The following FER variants were observed in gnomAD, a reference collection of about 807,000 sequenced individuals.
FER encodes the protein FER tyrosine kinase, also known as tyrosine-protein kinase Fer.
A neutral mutation model predicts 111.0 loss-of-function variants in FER; 63 were observed. That is an observed-to-expected ratio of 0.57 (90% CI 0.46 to 0.70). FER has a LOEUF of 0.70. Ranked by LOEUF, FER falls within the 30% of genes least tolerant of loss-of-function variation. The pLI is 0.00. For synonymous variants in FER, 327 were observed against 313.9 expected, an observed-to-expected ratio of 1.04 and a Z score of -0.44; for missense variants, 914 against 954.0, an observed-to-expected ratio of 0.96 and a Z score of 0.55.
At chr5:108,901,552 A>G (rs969162482) in intron 10 of FER, among the ~76,000 whole-genome samples, 1 of 152,204 alleles carries the variant, frequency 6.6e-6, no homozygotes, top group Non-Finnish European at 1.5e-5. Context: ...AAAGTGAAGC[A>G]TCTTCAATGG....
chr5:108,917,821 T>A (rs1415791731), intron 10 of FER, among the ~76,000 whole-genome samples: 3 of 152,232 alleles, frequency 2.0e-5, no homozygotes, highest in Non-Finnish European at 4.4e-5. Flanking sequence ...TCACCAACTC[T>A]TGGTAATCAG....
intron 5 of FER, among the ~76,000 whole-genome samples, chr5:108,840,361 A>G (rs957671263): frequency 7.9e-5 from 12 of 152,156 alleles, no homozygotes; most frequent in Non-Finnish European, 1.5e-5. Flanking sequence ...AACCACAATT[A>G]CTTTTGCACC....
chr5:109,138,192 A>T (rs1486796810), intron 17 of FER, among the ~76,000 whole-genome samples: 1 of 152,298 alleles, frequency 6.6e-6, no homozygotes, highest in East Asian at 1.9e-4. Flanking sequence ...AAAAAGGAAA[A>T]TGTTTCTTCA....
chr5:108,759,724 A>G (rs1411042981), intron 1 of FER, among the ~76,000 whole-genome samples: 1 of 152,234 alleles, frequency 6.6e-6, no homozygotes, highest in East Asian at 1.9e-4. Flanking sequence ...AGAAGAGAAG[A>G]GAACACATTC....
intron 17 of FER, among the ~76,000 whole-genome samples, chr5:109,103,580 C>G (rs1748520459): frequency 6.6e-6 from 1 of 152,254 alleles, no homozygotes; most frequent in African/African-American, 2.4e-5. Context: ...TTTCTGTTTA[C>G]AGCTTGAGGA....
chr5:109,022,238 C>G (rs1177757000), intron 13 of FER, among the ~76,000 whole-genome samples: 2 of 151,132 alleles, frequency 1.3e-5, no homozygotes, highest in African/African-American at 4.8e-5. Flanking sequence ...TCTATTGTCT[C>G]AAGGGAAGTC....
chr5:108,803,372 T>C (rs2161564), intron 3 of FER, among the ~76,000 whole-genome samples: 1 of 152,156 alleles, frequency 6.6e-6, no homozygotes, highest in Admixed American at 6.5e-5. Context: ...TTTGTTGCAA[T>C]TGCTTTTGAG....
At position 108,927,252 on chromosome 5, in the gene FER, C is replaced by CTTTTTTTTTTTT. The variant is rs766702172; in HGVS notation, c.1237-18870_1237-18859dup. Among the ~76,000 whole-genome samples the CTTTTTTTTTTTT allele has an allele frequency of 1.8e-3, 168 of 95,224 alleles. 33 individuals carry two copies. The highest frequency in any genetic ancestry group is 8.2e-3 in the African/African-American group (142 of 17,256). The allele number at this position is 95,224 out of a possible 152,430, so 62.5% of individuals were successfully genotyped here. A position where few individuals can be genotyped will look rare whatever the true frequency, so the allele number is the denominator to read the frequency against. ...TGTAATTCAGCATTGAGAAGTGGCT[C>CTTTTTTTTTTTT]TTTTTTTTTTTTTTTTTTTGAGACG... On this transcript the variant is annotated intron_variant, in intron 10 of 19. Coordinates refer to ENST00000281092, the MANE Select transcript of FER (RefSeq NM_005246.4).
At chr5:108,761,752 T>C (rs1165101027) in intron 1 of FER, among the ~76,000 whole-genome samples, 2 of 152,162 alleles carry the variant, frequency 1.3e-5, no homozygotes, top group Non-Finnish European at 2.9e-5. Flanking sequence ...ACTTGTCTGA[T>C]TTATGAGAAC....
chr5:108,857,594 T>C (rs1237434982), intron 5 of FER, among the ~76,000 whole-genome samples: 1 of 152,186 alleles, frequency 6.6e-6, no homozygotes, highest in Non-Finnish European at 1.5e-5. Context: ...TTTTTATGTC[T>C]ATCAATGGTT....
At chr5:109,115,880 C>CCTTG (rs537564258) in intron 17 of FER, among the ~76,000 whole-genome samples, 84 of 152,134 alleles carry the variant, frequency 5.5e-4, no homozygotes, top group African/African-American at 1.9e-3. Context: ...TTTTCTCAAG[C>CCTTG]CTTGGTCTAC....
At chr5:109,121,032 A>G (rs544293968) in intron 17 of FER, among the ~76,000 whole-genome samples, 11 of 152,192 alleles carry the variant, frequency 7.2e-5, no homozygotes, top group African/African-American at 2.4e-4. Context: ...AGAGTATATC[A>G]TCTTCACACA....
rs115692516 is a variant in FER, at chr5:108,948,929, T to C, written c.1329+2707T>C. Among the ~76,000 whole-genome samples, 1,216 of 152,224 alleles carry C rather than the reference T, an allele frequency of 8.0e-3. 6 individuals are homozygous for C. Among genetic ancestry groups the C allele is most frequent in the Middle Eastern group, 0.014 (4 of 294 alleles). On this transcript the variant is annotated intron_variant, in intron 11 of 19. Transcript: ENST00000281092. ...GTTCTTTATATAGATAACAGAAGAA[T>C]TATTAAATTATTCAACAGCAGTCTC... is the stretch of plus-strand genomic sequence containing the variant.
intron 17 of FER, among the ~76,000 whole-genome samples, chr5:109,146,282 A>ATATATC (rs2126663353): frequency 8.3e-6 from 1 of 120,504 alleles, no homozygotes; most frequent in East Asian, 2.2e-4. Context: ...ATATATATAT[A>ATATATC]TATATATATC....
At chr5:109,082,709 C>A (rs571089222) in intron 16 of FER, among the ~76,000 whole-genome samples, 1 of 151,940 alleles carries the variant, frequency 6.6e-6, no homozygotes, top group South Asian at 2.1e-4. Context: ...TCAGATACTA[C>A]CAAAATAATT....
chr5:108,928,807 TGA>T (rs981459994), intron 10 of FER, among the ~76,000 whole-genome samples: 15 of 151,896 alleles, frequency 9.9e-5, no homozygotes, highest in African/African-American at 3.6e-4. Flanking sequence ...AAGAAGAGGG[TGA>T]GAGAGAATGA....
intron 8 of FER, 108 bp from the exon 9 acceptor site, chr5:108,883,288 G>A (rs1765851635): frequency 1.9e-6 from 2 of 1,026,478 alleles, no homozygotes; most frequent in African/African-American, 1.7e-5. Context: ...CAGATTATAT[G>A]TGGCTACTGT....
chr5:109,075,589 A>C (rs181897067), intron 16 of FER, among the ~76,000 whole-genome samples: 4 of 151,944 alleles, frequency 2.6e-5, no homozygotes, highest in Admixed American at 2.6e-4. Context: ...ACACCCGGAT[A>C]ATTTTTTGTA....
At chr5:109,068,775 A>T (rs1199244396) in intron 16 of FER, among the ~76,000 whole-genome samples, 1 of 152,214 alleles carries the variant, frequency 6.6e-6, no homozygotes, top group Non-Finnish European at 1.5e-5. Context: ...AATGTGGCTC[A>T]TTTCTTAACT....
Sources: allele counts gnomAD v4.1 joint callset (sites outside exome capture counted in the v4.1 genomes callset), GRCh38; gene constraint gnomAD v4.1.1; transcripts MANE v1.5; gene names NCBI Gene and HGNC (gene_info 2026-07-23, HGNC 2026-07-21).